MTA3: variants seen among roughly 807,000 people sequenced by gnomAD.
The protein encoded by MTA3 is metastasis-associated protein MTA3.
Under a neutral mutation model 83.5 loss-of-function variants are expected in MTA3, and 34 were observed. The observed-to-expected ratio is 0.41, with a 90% confidence interval of 0.31 to 0.54. The LOEUF (loss-of-function observed/expected upper bound fraction) is 0.54, where lower values mean the gene tolerates loss of function less well. Among genes scored for constraint, MTA3 ranks in the 20% least tolerant of loss-of-function variants. The probability of loss-of-function intolerance (pLI) is 0.33; values close to 1 mark genes in which losing one functional copy is unlikely to be tolerated. For synonymous variants in MTA3, 303 were observed against 252.7 expected (o/e 1.20, Z -1.89); for missense variants, 761 against 726.4 (o/e 1.05, Z -0.55).
chr2:42,500,809 A>G (rs188624582), intron 2 of MTA3, among the ~76,000 whole-genome samples: 15 of 150,496 alleles, frequency 1.0e-4, no homozygotes, highest in African/African-American at 3.7e-4. Context: ...GGCTTTATGA[A>G]GCTTTTTTTT....
intron 2 of MTA3, among the ~76,000 whole-genome samples, chr2:42,518,739 G>A (rs1675270110): frequency 6.6e-6 from 1 of 152,048 alleles, no homozygotes; most frequent in Non-Finnish European, 1.5e-5. Context: ...CACTTTGGGA[G>A]GCTGAGGCAG....
intron 2 of MTA3, among the ~76,000 whole-genome samples, chr2:42,510,311 G>GA (rs1260439717): frequency 0.025 from 2,168 of 87,256 alleles, 38 homozygotes; most frequent in Middle Eastern, 0.076. Context: ...GGGCGACTCA[G>GA]AAAAAAAAAA....
At chr2:42,672,836 G>A (rs1217641350) in intron 8 of MTA3, among the ~76,000 whole-genome samples, 6 of 128,576 alleles carry the variant, frequency 4.7e-5, no homozygotes, top group East Asian at 2.3e-4. Flanking sequence ...ACTTTTTTAC[G>A]TATAAAAAGC....
intron 16 of MTA3, among the ~76,000 whole-genome samples, chr2:42,739,851 G>A (rs952871134): frequency 2.6e-5 from 4 of 152,152 alleles, no homozygotes; most frequent in Non-Finnish European, 5.9e-5. Context: ...TTGTTCATCC[G>A]TAAGAAGCAA....
At chr2:42,672,343 T>TA (rs573876669) in intron 8 of MTA3, among the ~76,000 whole-genome samples, 31,851 of 140,138 alleles carry the variant, frequency 0.23, 3,558 homozygotes, top group Middle Eastern at 0.27. Context: ...TCCTCTCTAT[T>TA]AAAAAAAAAA....
intron 16 of MTA3, among the ~76,000 whole-genome samples, chr2:42,748,398 A>C (rs1020657106): frequency 6.6e-6 from 1 of 152,186 alleles, no homozygotes; most frequent in Non-Finnish European, 1.5e-5. Flanking sequence ...GGAGTCATAC[A>C]GTGTGTACTC....
At position 42,667,621 on chromosome 2, in the gene MTA3, AAGAGAGAG is replaced by A. The variant is rs70963342; in HGVS notation, c.702+7788_702+7795del. Among the ~76,000 whole-genome samples, 607 of 113,884 alleles carry A rather than the reference AAGAGAGAG, an allele frequency of 5.3e-3. 4 individuals are homozygous for A. The highest frequency in any genetic ancestry group is 8.5e-3 in the Middle Eastern group (2 of 236). The allele number at this position is 113,884 out of a possible 152,430, so 74.7% of individuals were successfully genotyped here. On this transcript the variant is annotated intron_variant, in intron 8 of 16. Coordinates refer to ENST00000405094, the MANE Select transcript of MTA3 (RefSeq NM_001330442.2). Reference sequence around the variant, plus strand: ...GTGTGTGTGTGTGTATAGAGAGAGAAAGAGAGAGAGAGAGAGAGAGAGAGAGAGAGAGA... The same window carrying A: ...GTGTGTGTGTGTGTATAGAGAGAGAAAGAGAGAGAGAGAGAGAGAGAGAGA...
chr2:42,634,364 T>C (rs959128471), intron 4 of MTA3, among the ~76,000 whole-genome samples: 1 of 152,226 alleles, frequency 6.6e-6, no homozygotes, highest in African/African-American at 2.4e-5. Context: ...AAAAGACTTT[T>C]AATTGATTCA....
chr2:42,565,927 C>T (rs1313621296), upstream of MTA3, among the ~76,000 whole-genome samples: 1 of 152,098 alleles, frequency 6.6e-6, no homozygotes, highest in Non-Finnish European at 1.5e-5. Context: ...TTGCTTGAGC[C>T]TCGGAGGTGG....
chr2:42,729,247 C>A (rs1009528212), intron 16 of MTA3, among the ~76,000 whole-genome samples: 1 of 151,532 alleles, frequency 6.6e-6, no homozygotes, highest in Non-Finnish European at 1.5e-5. Flanking sequence ...CAGGCGCCCA[C>A]CACCACGCCC....
intron 4 of MTA3, among the ~76,000 whole-genome samples, chr2:42,635,559 T>C (rs1687102483): frequency 6.6e-6 from 1 of 151,700 alleles, no homozygotes; most frequent in Non-Finnish European, 1.5e-5. Flanking sequence ...ACCCAGGAGA[T>C]GGAGGCTGCA....
intron 14 of MTA3, among the ~76,000 whole-genome samples, chr2:42,711,052 C>G (rs1666565666): frequency 6.6e-6 from 1 of 151,942 alleles, no homozygotes; most frequent in Admixed American, 6.6e-5. Flanking sequence ...GCACTCCAGC[C>G]TGGGCAACAC....
intron 2 of MTA3, among the ~76,000 whole-genome samples, chr2:42,512,413 C>G (rs181898905): frequency 6.6e-6 from 1 of 152,312 alleles, no homozygotes; most frequent in Admixed American, 6.5e-5. Context: ...AGAAGAGAAC[C>G]TTCCTCTGAC....
At position 42,638,705 on chromosome 2, in the gene MTA3, A is replaced by T. The variant is rs1178872384; in HGVS notation, c.318-1468A>T. ...TGTTATGTGTGCTAAAGTGATGTTA[A>T]TTTTTTTTTTTTTTTGCTTCACTAA... On this transcript the variant is annotated intron_variant, in intron 4 of 16. Transcript: ENST00000405094. 6.9e-5 allele frequency among the ~76,000 whole-genome samples: 10 copies of T among 145,540 alleles called. No individual in the cohort carries two copies. In the East Asian group the frequency reaches 2.0e-3, roughly 29 times the overall value.
At chr2:42,720,465 G>T (rs959922536) in intron 15 of MTA3, among the ~76,000 whole-genome samples, 1 of 152,070 alleles carries the variant, frequency 6.6e-6, no homozygotes, top group African/African-American at 2.4e-5. Flanking sequence ...ACAGGCATGA[G>T]CCACTGCGTC....
intron 14 of MTA3, 63 bp from the exon 15 acceptor site, chr2:42,718,925 G>A: frequency 8.6e-7 from 1 of 1,168,170 alleles, no homozygotes; most frequent in Non-Finnish European, 1.2e-6. Context: ...TTTCTGTGGT[G>A]CATGTAGTCT....
intron 3 of MTA3, among the ~76,000 whole-genome samples, chr2:42,593,195 A>G (rs1681248616): frequency 6.8e-6 from 1 of 147,250 alleles, no homozygotes; most frequent in Admixed American, 6.8e-5. Flanking sequence ...AATAAAACAT[A>G]TAGTATATTG....
intron 3 of MTA3, among the ~76,000 whole-genome samples, chr2:42,585,312 T>A (rs1680141650): frequency 6.6e-6 from 1 of 151,814 alleles, no homozygotes; most frequent in Non-Finnish European, 1.5e-5. Flanking sequence ...GGTCTCGAAC[T>A]CCCAACCTCA....
rs1457800277 is a variant in MTA3 at position 42,615,252 on chromosome 2, G to GT, written c.317+5675dup. On this transcript the variant is annotated intron_variant, in intron 4 of 16. Transcript: ENST00000405094. ...TAAGGTTCTTGAAGATCTATTGTCT[G>GT]TTTTTTTCTTTTTTTTTTTTTTAAT... Among the ~76,000 whole-genome samples the GT allele has an allele frequency of 4.3e-3, 639 of 147,456 alleles. 6 individuals are homozygous for GT. The highest frequency in any genetic ancestry group is 0.015 in the African/African-American group (604 of 40,194).
Sources: allele counts gnomAD v4.1 joint callset (sites outside exome capture counted in the v4.1 genomes callset), GRCh38; gene constraint gnomAD v4.1.1; transcripts MANE v1.5; gene names NCBI Gene and HGNC (gene_info 2026-07-23, HGNC 2026-07-21).